Variants in CEP55 observed in about 807,000 individuals in gnomAD.
The protein encoded by CEP55 is centrosomal protein of 55 kDa.
In CEP55, 57 loss-of-function variants were observed where a neutral mutation model predicts 63.2. The ratio of observed to expected loss-of-function variants is 0.90; its 90% CI spans 0.73 to 1.13. CEP55 has a LOEUF of 1.13. Ranked by LOEUF, CEP55 falls within the 50% of genes most tolerant of loss-of-function variation. The probability of loss-of-function intolerance (pLI) is 0.00; values close to 1 mark genes in which losing one functional copy is unlikely to be tolerated. For missense variants in CEP55, 456 were observed against 518.9 expected, an observed-to-expected ratio of 0.88 and a Z score of 1.18; for synonymous variants, 178 against 191.6, an observed-to-expected ratio of 0.93 and a Z score of 0.59.
rs1293408346 is a variant in CEP55, at chr10:93,503,341, C to T, written c.412C>T (p.Arg138Ter). 11 of 1,614,148 alleles carry T rather than the reference C, an allele frequency of 6.8e-6. No individual in the cohort carries two copies. Among genetic ancestry groups the T allele is most frequent in the East Asian group, 2.2e-5 (1 of 44,882 alleles). The change falls in exon 3 of 9, where the codon CGA becomes TGA. Residue 138 changes from arginine to a stop codon, truncating the protein, a stop_gained. Transcript: ENST00000371485. LOFTEE classifies it high-confidence loss of function. The stretch of plus-strand genomic sequence containing the variant: ...ACAACAGTTGTCTGCTGCAACCTCA[C>T]GAATTGCTGAACTTGAAAGCAAAAC... ...LKQQLSAATS[R>*]IAELESKTNT...
intron 8 of CEP55, among the ~76,000 whole-genome samples, chr10:93,521,656 G>A (rs1239907155): frequency 1.3e-5 from 2 of 152,184 alleles, no homozygotes; most frequent in Admixed American, 1.3e-4. Flanking sequence ...CTACAAGTGG[G>A]TCCCTGACCC....
intron 6 of CEP55, among the ~76,000 whole-genome samples, 194 bp from the exon 7 acceptor site, chr10:93,518,683 G>A (rs1456024013): frequency 2.0e-5 from 3 of 152,166 alleles, no homozygotes; most frequent in Non-Finnish European, 4.4e-5. Flanking sequence ...GGGAACTCTC[G>A]GCAAGGGCGG....
At chr10:93,515,990 A>C (rs966779391) in intron 5 of CEP55, among the ~76,000 whole-genome samples, 17 of 152,162 alleles carry the variant, frequency 1.1e-4, no homozygotes, top group African/African-American at 4.1e-4. Flanking sequence ...TTGAGATGAA[A>C]TTTCTCATTC....
intron 8 of CEP55, among the ~76,000 whole-genome samples, chr10:93,525,438 G>T (rs1011393712): frequency 6.6e-6 from 1 of 152,124 alleles, no homozygotes; most frequent in Non-Finnish European, 1.5e-5. Context: ...AATAAAAGAG[G>T]ATACAAACAA....
At chr10:93,517,589 A>G (rs1441002452) in intron 6 of CEP55, among the ~76,000 whole-genome samples, 2 of 152,194 alleles carry the variant, frequency 1.3e-5, no homozygotes, top group African/African-American at 2.4e-5. Context: ...GGAGGAGGTC[A>G]GTATATGTGA....
intron 5 of CEP55, 54 bp downstream of exon 5, chr10:93,515,609 G>A: frequency 1.4e-6 from 2 of 1,457,652 alleles, no homozygotes; most frequent in South Asian, 2.9e-5. Context: ...TTTTCCAAAA[G>A]GAATGATTCA....
intron 6 of CEP55, 49 bp from the exon 7 acceptor site, chr10:93,518,828 G>A (rs779410606): frequency 7.3e-7 from 1 of 1,365,764 alleles, no homozygotes; most frequent in Non-Finnish European, 1.0e-6. Flanking sequence ...CCCAGGTCAA[G>A]CCGGAAAAGG....
intron 5 of CEP55, among the ~76,000 whole-genome samples, chr10:93,516,171 C>T (rs898630610): frequency 6.6e-6 from 1 of 152,138 alleles, no homozygotes; most frequent in African/African-American, 2.4e-5. Flanking sequence ...AAATGAGAAA[C>T]TCCATGCAAT....
intron 4 of CEP55, among the ~76,000 whole-genome samples, chr10:93,508,901 T>G (rs1054301688): frequency 6.6e-6 from 1 of 152,190 alleles, no homozygotes; most frequent in African/African-American, 2.4e-5. Context: ...TCTATTTAAC[T>G]TCTCTTGTTT....
intron 8 of CEP55, among the ~76,000 whole-genome samples, chr10:93,523,345 A>C (rs1414344863): frequency 2.6e-5 from 4 of 152,100 alleles, no homozygotes; most frequent in Non-Finnish European, 5.9e-5. Context: ...ACAAAGAAGG[A>C]CATTACATAA....
At chr10:93,510,607 T>C (rs1178369135) in intron 4 of CEP55, 2 of 152,178 alleles carry the variant, frequency 1.3e-5, no homozygotes, top group Non-Finnish European at 2.9e-5. Flanking sequence ...ATCCAAGTAC[T>C]AAACAGACTC....
intron 3 of CEP55, among the ~76,000 whole-genome samples, chr10:93,504,800 A>C (rs1163522126): frequency 2.6e-5 from 4 of 152,184 alleles, no homozygotes; most frequent in African/African-American, 9.6e-5. Context: ...AGAAATTATA[A>C]TTTTTAAAAT....
At chr10:93,508,993 T>C (rs2057715821) in intron 4 of CEP55, among the ~76,000 whole-genome samples, 1 of 152,316 alleles carries the variant, frequency 6.6e-6, no homozygotes, top group South Asian at 2.1e-4. Context: ...ATCCTCAGTG[T>C]CTAGAACATT....
Position 93,518,958 on chromosome 10 carries a change from C to T in CEP55, c.1065+10C>T, listed in dbSNP as rs374982628. 70 of 1,607,014 alleles carry T rather than the reference C, an allele frequency of 4.4e-5. No homozygotes were observed. Among genetic ancestry groups the T allele is most frequent in the Admixed American group, 6.7e-5 (4 of 59,976 alleles). On this transcript the variant is annotated intron_variant, in intron 7 of 8. Transcript: ENST00000371485. ...TCTGTTGGAACAACAGGTACTCATT[C>T]GGGTTGCTTCTAAATTCAATTCTGC...
intron 8 of CEP55, among the ~76,000 whole-genome samples, chr10:93,527,703 A>C (rs1220213791): frequency 1.3e-5 from 2 of 150,176 alleles, no homozygotes; most frequent in African/African-American, 4.9e-5. Context: ...TTTTTGTAGA[A>C]TTTTCTATTT....
In CEP55 at chr10:93,528,127, G is replaced by T. The variant is rs756072428; in HGVS notation, c.1369G>T (p.Val457Phe). Reference sequence around the variant, plus strand: ...AGCCACTGAGCATCGCGATCTGCTTGTCCATGTGGAATACTGTTCAAAGTA... The same window carrying T: ...AGCCACTGAGCATCGCGATCTGCTTTTCCATGTGGAATACTGTTCAAAGTA... ...YPATEHRDLL[V>F]HVEYCSK is the part of the protein sequence containing the mutation. Residue 457 changes from valine to phenylalanine, a missense_variant, in exon 9 of 9, where the codon GTC (valine) becomes TTC (phenylalanine). Transcript: ENST00000371485. 21 of 1,613,892 alleles carry T rather than the reference G, an allele frequency of 1.3e-5. No individual in the cohort carries two copies. Among genetic ancestry groups the T allele is most frequent in the Non-Finnish European group, 1.7e-5 (20 of 1,179,948 alleles).
At chr10:93,508,334 C>G (rs1202977726) in intron 4 of CEP55, among the ~76,000 whole-genome samples, 1 of 152,070 alleles carries the variant, frequency 6.6e-6, no homozygotes, top group African/African-American at 2.4e-5. Context: ...GCATGTCTAT[C>G]CTGATATAAG....
At chr10:93,525,079 G>T (rs573603708) in intron 8 of CEP55, among the ~76,000 whole-genome samples, 1 of 151,654 alleles carries the variant, frequency 6.6e-6, no homozygotes, top group Non-Finnish European at 1.5e-5. Flanking sequence ...AGTGTTGGAA[G>T]TTCTGGCCAG....
intron 4 of CEP55, among the ~76,000 whole-genome samples, chr10:93,509,215 G>A (rs1006316782): frequency 6.6e-6 from 1 of 152,090 alleles, no homozygotes; most frequent in African/African-American, 2.4e-5. Context: ...ACATATGTAA[G>A]CCCAAGCTTT....
Sources: allele counts gnomAD v4.1 joint callset (sites outside exome capture counted in the v4.1 genomes callset), GRCh38; gene constraint gnomAD v4.1.1; transcripts MANE v1.5; gene names NCBI Gene and HGNC (gene_info 2026-07-23, HGNC 2026-07-21).